The following PDS5B variants were observed in gnomAD, a reference collection of about 807,000 sequenced individuals.
PDS5B encodes the protein PDS5 cohesin associated factor B, also known as sister chromatid cohesion protein PDS5 homolog B.
PDS5B carries 51 observed loss-of-function variants against 184.1 expected under a neutral mutation model. That is an observed-to-expected ratio of 0.28 (90% CI 0.22 to 0.35). The LOEUF (loss-of-function observed/expected upper bound fraction) is 0.35. PDS5B is among the 10% of genes least tolerant of loss of function. The pLI, the probability that PDS5B is intolerant of heterozygous loss-of-function variation, is 1.00. For missense variants in PDS5B, 1,180 were observed against 1,723.3 expected (o/e 0.68, Z 5.58); for synonymous variants, 566 against 569.2 (o/e 0.99, Z 0.08).
chr13:32,686,806 G>A (rs544718456), intron 11 of PDS5B, among the ~76,000 whole-genome samples: 1 of 15,900 alleles, frequency 6.3e-5, no homozygotes, highest in Middle Eastern at 0.029. Context: ...AAAAATTTTG[G>A]TAGCTTGTTT....
Position 32,694,235 on chromosome 13 carries a change from A to G in PDS5B, c.1482A>G (p.Glu494=), listed in dbSNP as rs760293326. 2.5e-6 allele frequency: 4 copies of G among 1,601,996 alleles called. No homozygotes were observed. Among genetic ancestry groups the G allele is most frequent in the Non-Finnish European group, 3.4e-6 (4 of 1,173,924 alleles). Residue 494 remains glutamate (E), a synonymous_variant, in exon 14 of 35, where the codon GAA becomes GAG. Coordinates refer to ENST00000315596, the MANE Select transcript of PDS5B (RefSeq NM_015032.4). ...TTGTGTTTTTCAGAGCATTGAATGA[A>G]ATGTGGAAATGTCAAAATCTGCTCC... ...LDLNAVKALN[E]MWKCQNLLRH... is the part of the protein sequence containing the mutation.
At chr13:32,741,347 A>G (rs1219619115) in intron 22 of PDS5B, among the ~76,000 whole-genome samples, 199 bp downstream of exon 22, 1 of 152,138 alleles carries the variant, frequency 6.6e-6, no homozygotes, top group African/African-American at 2.4e-5. Flanking sequence ...CACATAATCT[A>G]ATTTGAGGAG....
intron 9 of PDS5B, among the ~76,000 whole-genome samples, chr13:32,678,349 A>G (rs980495496): frequency 4.0e-5 from 6 of 151,872 alleles, no homozygotes; most frequent in Non-Finnish European, 5.9e-5. Context: ...GATAGTAGTA[A>G]TTTGGGTACA....
At chr13:32,665,457 C>T (rs945351443) in intron 6 of PDS5B, among the ~76,000 whole-genome samples, 9 of 151,136 alleles carry the variant, frequency 6.0e-5, no homozygotes, top group Non-Finnish European at 8.9e-5. Context: ...GGCGTGGTGG[C>T]GGGCGCCTGT....
At chr13:32,764,085 AAATG>A (rs1213047126) in intron 30 of PDS5B, among the ~76,000 whole-genome samples, 3 of 152,078 alleles carry the variant, frequency 2.0e-5, no homozygotes, top group Non-Finnish European at 4.4e-5. Flanking sequence ...AGTACGTAAT[AAATG>A]TAATAATTAT....
intron 1 of PDS5B, among the ~76,000 whole-genome samples, chr13:32,617,165 A>C (rs1371779476): frequency 1.3e-5 from 2 of 152,216 alleles, no homozygotes; most frequent in African/African-American, 2.4e-5. Flanking sequence ...CTCTGGCTAG[A>C]AGAATTGCCG....
chr13:32,635,032 G>A (rs2058519460), intron 1 of PDS5B, among the ~76,000 whole-genome samples: 2 of 145,256 alleles, frequency 1.4e-5, no homozygotes, highest in Admixed American at 1.4e-4. Flanking sequence ...TAAAGAGGCC[G>A]GGCCTTACTC....
chr13:32,615,347 T>C (rs2058202458), intron 1 of PDS5B, among the ~76,000 whole-genome samples: 1 of 152,222 alleles, frequency 6.6e-6, no homozygotes, highest in Non-Finnish European at 1.5e-5. Context: ...TAGTTTTTCA[T>C]CAATTGCAAA....
In PDS5B at chr13:32,770,207, G is replaced by C. The variant is rs1335631725; in HGVS notation, c.3711G>C (p.Leu1237Phe). 10 of 1,613,900 alleles carry C rather than the reference G, an allele frequency of 6.2e-6. No homozygotes were observed. In the East Asian group the frequency reaches 2.2e-4, roughly 36 times the overall value. The change falls in exon 32 of 35, where the codon TTG (leucine) becomes TTC (phenylalanine). Residue 1237 changes from leucine to phenylalanine, a missense_variant. Leu to Phe is a conservative substitution (Grantham distance 22). Coordinates refer to ENST00000315596, the MANE Select transcript of PDS5B (RefSeq NM_015032.4). The stretch of plus-strand genomic sequence containing the variant: ...TAGGTATGGATGACTTGACTAAGTT[G>C]GTACAGGAACAGAAACCTAAAGGCA... ...EKLGMDDLTK[L>F]VQEQKPKGSQ...
chr13:32,683,474 C>T (rs1043264727), intron 10 of PDS5B, among the ~76,000 whole-genome samples: 1 of 152,052 alleles, frequency 6.6e-6, no homozygotes, highest in Admixed American at 6.6e-5. Context: ...GCATGTGCCA[C>T]CACCCCTGGA....
chr13:32,667,754 T>C lies in PDS5B; in HGVS notation c.625-10T>C. 1 of 1,546,464 alleles carries C rather than the reference T, an allele frequency of 6.5e-7. No individual in the cohort carries two copies. The highest frequency in any genetic ancestry group is 8.8e-7 in the Non-Finnish European group (1 of 1,133,116). On this transcript the variant is annotated splice_polypyrimidine_tract_variant and intron_variant, in intron 6 of 34. Coordinates refer to ENST00000315596, the MANE Select transcript of PDS5B (RefSeq NM_015032.4). ...AGATATATAATATAGATATTGTTTA[T>C]GTTTTTCAGAATTTAAACAAGCAAG...
chr13:32,773,248 A>T lies in PDS5B; in HGVS notation c.4232A>T (p.Asp1411Val). The T allele has an allele frequency of 6.2e-7, 1 of 1,613,342 alleles. No homozygotes were observed. Among genetic ancestry groups the T allele is most frequent in the Non-Finnish European group, 8.5e-7 (1 of 1,179,472 alleles). The change falls in exon 34 of 35, where the codon GAT becomes GTT. Residue 1411 changes from aspartate to valine, a missense_variant. This residue lies in a region of PDS5B where 465 missense variants were observed against 497.8 expected (regional missense o/e 0.93). Coordinates refer to ENST00000315596, the MANE Select transcript of PDS5B (RefSeq NM_015032.4). ...TKENDSSEEV[D>V]VFQGSSPVDD... ...GAAAATGATTCAAGTGAAGAAGTAG[A>T]TGTGTTTCAGGGTAGCTCTCCTGTC...
At chr13:32,642,419 T>C (rs1459044652) in intron 1 of PDS5B, among the ~76,000 whole-genome samples, 1 of 152,146 alleles carries the variant, frequency 6.6e-6, no homozygotes, top group Non-Finnish European at 1.5e-5. Flanking sequence ...TAATTGCTAA[T>C]TGTAGTAGGT....
At chr13:32,625,104 T>A (rs2058350947) in intron 1 of PDS5B, among the ~76,000 whole-genome samples, 2 of 152,192 alleles carry the variant, frequency 1.3e-5, no homozygotes, top group Non-Finnish European at 1.5e-5. Context: ...TCCTTTTCAT[T>A]CATTCGCTCA....
intron 7 of PDS5B, among the ~76,000 whole-genome samples, chr13:32,672,460 G>A (rs537945670): frequency 6.6e-6 from 1 of 152,270 alleles, no homozygotes; most frequent in South Asian, 2.1e-4. Flanking sequence ...ACATGTATAT[G>A]TATGAGAGGG....
In PDS5B at chr13:32,758,668, A is replaced by G. The variant is rs77381505; in HGVS notation, c.3309+15A>G. ...AACCTGACAAGGTAGTTACTTTACA[A>G]TTTGTTTGTGTAAGTTGAAATAAAA... On this transcript the variant is annotated intron_variant, in intron 28 of 34. Transcript: ENST00000315596. The G allele has an allele frequency of 0.01, 16,872 of 1,611,908 alleles. 108 individuals carry two copies. Among genetic ancestry groups the G allele is most frequent in the Non-Finnish European group, 0.013 (15,799 of 1,178,718 alleles).
At chr13:32,730,976 A>G (rs150028369) in intron 19 of PDS5B, among the ~76,000 whole-genome samples, 1 of 152,280 alleles carries the variant, frequency 6.6e-6, no homozygotes, top group East Asian at 1.9e-4. Context: ...AGAACTTCCA[A>G]TACTATGTTG....
intron 1 of PDS5B, among the ~76,000 whole-genome samples, chr13:32,629,129 T>C (rs1482355207): frequency 6.6e-6 from 1 of 152,242 alleles, no homozygotes; most frequent in Admixed American, 6.5e-5. Flanking sequence ...GGAATACCCA[T>C]CACTCAATTC....
intron 1 of PDS5B, among the ~76,000 whole-genome samples, chr13:32,608,156 C>G (rs935530891): frequency 1.3e-5 from 2 of 152,114 alleles, no homozygotes; most frequent in African/African-American, 4.8e-5. Context: ...TGGAGCTGTT[C>G]CTATTTGGCC....
Sources: allele counts gnomAD v4.1 joint callset (sites outside exome capture counted in the v4.1 genomes callset), GRCh38; gene constraint gnomAD v4.1.1; regional missense constraint gnomAD v4.1.1; transcripts MANE v1.5; gene names NCBI Gene and HGNC (gene_info 2026-07-23, HGNC 2026-07-21).